SUSD1: variants seen among roughly 807,000 people sequenced by gnomAD.
SUSD1 encodes sushi domain containing 1, also known as sushi domain-containing protein 1.
In SUSD1, 65 loss-of-function variants were observed where a neutral mutation model predicts 86.9. The observed-to-expected ratio is 0.75, with a 90% CI of 0.61 to 0.92. The LOEUF (loss-of-function observed/expected upper bound fraction) is 0.92. Ranked by LOEUF, SUSD1 falls within the 40% of genes least tolerant of loss-of-function variation. The pLI is 0.00. For missense variants in SUSD1, 850 were observed against 929.7 expected (o/e 0.91, Z 1.11); for synonymous variants, 346 against 350.0 (o/e 0.99, Z 0.13).
chr9:112,165,158 TTTTAAC>T (rs1413522084), intron 1 of SUSD1, among the ~76,000 whole-genome samples: 2 of 152,196 alleles, frequency 1.3e-5, no homozygotes, highest in South Asian at 2.1e-4. Flanking sequence ...TCTTTTTTAT[TTTTAAC>T]TTTAACTTTT....
At chr9:112,130,749 C>T (rs972031556) in intron 5 of SUSD1, among the ~76,000 whole-genome samples, 1 of 150,706 alleles carries the variant, frequency 6.6e-6, no homozygotes. Context: ...AGTAGCCAGG[C>T]AAGGTGGCTT....
At position 112,043,075 on chromosome 9, in the gene SUSD1, T is replaced by C. The variant is rs140480471; in HGVS notation, c.2150-1115A>G. Among the ~76,000 whole-genome samples, 1,090 of 152,326 alleles carry C rather than the reference T, an allele frequency of 7.2e-3. 20 individuals carry two copies. The highest frequency in any genetic ancestry group is 0.022 in the South Asian group (104 of 4,830). On this transcript the variant is annotated intron_variant, in intron 15 of 16. Coordinates refer to ENST00000374270, the MANE Select transcript of SUSD1 (RefSeq NM_022486.5). ...CTAACTTTGGGAGGAACTCAGTTTATAGTTTAACTTTGAAACAAAGACGAT... is the reference window on the plus strand; with the variant it reads ...CTAACTTTGGGAGGAACTCAGTTTACAGTTTAACTTTGAAACAAAGACGAT...
intron 12 of SUSD1, among the ~76,000 whole-genome samples, chr9:112,069,097 C>T (rs936479981): frequency 5.3e-5 from 8 of 151,974 alleles, no homozygotes; most frequent in Non-Finnish European, 7.4e-5. Context: ...GAGGAGTGAA[C>T]GTGGCCACCA....
At chr9:112,153,568 G>A (rs1355727870) in intron 2 of SUSD1, among the ~76,000 whole-genome samples, 2 of 149,834 alleles carry the variant, frequency 1.3e-5, no homozygotes, top group African/African-American at 4.9e-5. Flanking sequence ...ACATAATCCA[G>A]TAATATAATC....
Position 112,174,155 on chromosome 9 carries a change from C to A in SUSD1, c.103+978G>T, listed in dbSNP as rs74916377. ...CCGTGTGCTTCCTTCCCTTCTCCCC[C>A]GGGCCTGAATTCTGAAGGAATTCAT... On this transcript the variant is annotated intron_variant, in intron 1 of 16. Coordinates refer to ENST00000374270, the MANE Select transcript of SUSD1 (RefSeq NM_022486.5). Among the ~76,000 whole-genome samples, 1,232 of 152,294 alleles carry A rather than the reference C, an allele frequency of 8.1e-3. 24 individuals carry two copies. The highest frequency in any genetic ancestry group is 0.028 in the African/African-American group (1,169 of 41,548).
chr9:112,136,081 AT>A (rs760778123), intron 5 of SUSD1, among the ~76,000 whole-genome samples: 14 of 152,226 alleles, frequency 9.2e-5, no homozygotes, highest in Non-Finnish European at 1.3e-4. Context: ...ATGGAGACAT[AT>A]TTTAATGGCA....
chr9:112,133,748 G>A (rs1405931288), intron 5 of SUSD1, among the ~76,000 whole-genome samples: 2 of 152,168 alleles, frequency 1.3e-5, no homozygotes, highest in African/African-American at 4.8e-5. Flanking sequence ...CCTCTGTACA[G>A]CAAAAGAAAC....
At chr9:112,060,960 G>A (rs1279415908) in intron 13 of SUSD1, among the ~76,000 whole-genome samples, 1 of 152,160 alleles carries the variant, frequency 6.6e-6, no homozygotes, top group Non-Finnish European at 1.5e-5. Context: ...GTATGAATCA[G>A]CTCCCCAATT....
chr9:112,077,285 G>A (rs1221955300), intron 12 of SUSD1, among the ~76,000 whole-genome samples: 2 of 152,066 alleles, frequency 1.3e-5, no homozygotes, highest in Non-Finnish European at 2.9e-5. Context: ...ATGCAAGGAG[G>A]AACGGCAGGG....
chr9:112,082,824 C>T (rs571003967), intron 10 of SUSD1, among the ~76,000 whole-genome samples: 9 of 152,202 alleles, frequency 5.9e-5, no homozygotes, highest in Non-Finnish European at 1.0e-4. Context: ...CTCAAGTGAT[C>T]CCCCTGCCTC....
At chr9:112,104,486 C>T (rs1215185238) in intron 8 of SUSD1, among the ~76,000 whole-genome samples, 1 of 152,096 alleles carries the variant, frequency 6.6e-6, no homozygotes, top group Non-Finnish European at 1.5e-5. Flanking sequence ...GGCCTCAGGA[C>T]CTGAAGGTAC....
chr9:112,050,462 A>G (rs1170666284), intron 15 of SUSD1, among the ~76,000 whole-genome samples: 2 of 152,202 alleles, frequency 1.3e-5, no homozygotes, highest in Non-Finnish European at 2.9e-5. Context: ...GGCCCCTCCC[A>G]GATATTTCCT....
chr9:112,076,753 T>C (rs1829533182), intron 12 of SUSD1, among the ~76,000 whole-genome samples: 1 of 151,878 alleles, frequency 6.6e-6, no homozygotes, highest in Non-Finnish European at 1.5e-5. Context: ...AGAGGGGTCA[T>C]AAAAGTAGAT....
chr9:112,086,522 GAGAGAGAGAGAGAAAA>G (rs138588216), intron 10 of SUSD1, among the ~76,000 whole-genome samples: 1 of 142,968 alleles, frequency 7.0e-6, no homozygotes. Flanking sequence ...AAGAAAGAAA[GAGAGAGAGAGAGAAAA>G]AAAGAAAGAA....
At chr9:112,112,892 C>T (rs1356752411) in intron 6 of SUSD1, 24 bp from the exon 7 acceptor site, 3 of 1,498,012 alleles carry the variant, frequency 2.0e-6, no homozygotes, top group Non-Finnish European at 2.8e-6. Context: ...AGGCAGTCAA[C>T]TCACAAAATG....
At chr9:112,170,710 T>TATATATATATAG (rs758442726) in intron 1 of SUSD1, among the ~76,000 whole-genome samples, 4,959 of 113,426 alleles carry the variant, frequency 0.044, 108 homozygotes, top group Non-Finnish European at 0.056. Context: ...TATATATATA[T>TATATATATATAG]AGAGAGAGAG....
intron 6 of SUSD1, among the ~76,000 whole-genome samples, chr9:112,119,637 G>C (rs565172540): frequency 6.6e-6 from 1 of 152,334 alleles, no homozygotes; most frequent in Admixed American, 6.5e-5. Context: ...ATGGAAGCCA[G>C]GGAAAGTCTT....
chr9:112,155,108 G>A (rs137937976), intron 2 of SUSD1, among the ~76,000 whole-genome samples: 83 of 152,014 alleles, frequency 5.5e-4, no homozygotes, highest in African/African-American at 2.0e-3. Context: ...AAAATTAGCC[G>A]GGCGTGGTGG....
Position 112,175,292 on chromosome 9 carries a change from A to G in SUSD1, c.-57T>C. The G allele has an allele frequency of 3.6e-6, 4 of 1,112,994 alleles. No homozygotes were observed. Among genetic ancestry groups the G allele is most frequent in the Non-Finnish European group, 4.4e-6 (4 of 911,790 alleles). The allele number at this position is 1,112,994 out of a possible 1,614,324, so 68.9% of individuals were successfully genotyped here. ...CCTCCTCCCGGGGCCCTCAGGGTGC[A>G]GAGATAAGGCTACAGGCGCCGCGGG... On this transcript the variant is annotated 5_prime_UTR_variant, in exon 1 of 17. Transcript: ENST00000374270. This position sits in a 1 kb window ranked among gnomAD's most constrained non-coding sequence, Gnocchi z 4.7.
Sources: gnomAD v4.1 joint callset for allele counts (sites outside exome capture counted in the v4.1 genomes callset) on GRCh38, gnomAD v4.1.1 for gene constraint, Gnocchi (gnomAD v3.1) non-coding constraint, MANE v1.5 for transcripts, NCBI Gene and HGNC (gene_info 2026-07-23, HGNC 2026-07-21) for gene names.